Variants in TAFA2 observed in about 807,000 individuals in gnomAD.
The protein encoded by TAFA2 is TAFA chemokine like family member 2.
Under a neutral mutation model 18.8 loss-of-function variants are expected in TAFA2, and 7 were observed. The observed-to-expected ratio is 0.37, with a 90% confidence interval of 0.21 to 0.70. The LOEUF is 0.70. Among genes scored for constraint, TAFA2 ranks in the 30% least tolerant of loss-of-function variants. The pLI is 0.53. For synonymous variants in TAFA2, 60 were observed against 54.2 expected (o/e 1.11, Z -0.47); for missense variants, 122 against 158.1 (o/e 0.77, Z 1.23).
intron 1 of TAFA2, among the ~76,000 whole-genome samples, chr12:62,240,512 C>T (rs1565786547): frequency 6.6e-6 from 1 of 151,788 alleles, no homozygotes; most frequent in East Asian, 1.9e-4. Flanking sequence ...CTCACATATG[C>T]TTTTAAATTA....
At chr12:62,255,204 G>T (rs1304481201) in intron 1 of TAFA2, 2 of 152,156 alleles carry the variant, frequency 1.3e-5, no homozygotes, top group African/African-American at 4.8e-5. Context: ...TATTTGAAAT[G>T]ATTTTTAGCT....
At chr12:61,786,212 A>G (rs1023031818) in intron 2 of TAFA2, among the ~76,000 whole-genome samples, 1 of 151,608 alleles carries the variant, frequency 6.6e-6, no homozygotes, top group African/African-American at 2.4e-5. Flanking sequence ...ATGCATAAGG[A>G]CTTGTACTGT....
chr12:61,876,723 T>C (rs1285591431), intron 1 of TAFA2, among the ~76,000 whole-genome samples: 2 of 150,882 alleles, frequency 1.3e-5, no homozygotes, highest in Non-Finnish European at 3.0e-5. Flanking sequence ...AAAAAGATAG[T>C]AGTTATGTGT....
At chr12:61,931,581 A>G (rs1412830484) in intron 1 of TAFA2, among the ~76,000 whole-genome samples, 1 of 152,190 alleles carries the variant, frequency 6.6e-6, no homozygotes, top group Non-Finnish European at 1.5e-5. Flanking sequence ...TATATAATAC[A>G]AAAAATCCTG....
At chr12:61,821,047 G>C (rs1218234141) in intron 2 of TAFA2, among the ~76,000 whole-genome samples, 2 of 150,658 alleles carry the variant, frequency 1.3e-5, no homozygotes, top group Admixed American at 1.3e-4. Context: ...CACACATTAG[G>C]CATTCATTCA....
chr12:62,162,865 T>C (rs1592375448), intron 1 of TAFA2, among the ~76,000 whole-genome samples: 1 of 152,042 alleles, frequency 6.6e-6, no homozygotes, highest in Non-Finnish European at 1.5e-5. Context: ...AAAAAAGTGG[T>C]CAGCTTCTGC....
At chr12:61,997,710 A>G (rs1040347458) in intron 1 of TAFA2, among the ~76,000 whole-genome samples, 11 of 152,156 alleles carry the variant, frequency 7.2e-5, no homozygotes, top group African/African-American at 2.7e-4. Flanking sequence ...GACAGCAGAG[A>G]AAGATGAAGG....
chr12:62,208,187 G>C (rs954565466), intron 1 of TAFA2, among the ~76,000 whole-genome samples: 2 of 152,156 alleles, frequency 1.3e-5, no homozygotes, highest in Non-Finnish European at 2.9e-5. Flanking sequence ...TAGGAGGCTA[G>C]CTTATGTGAC....
intron 1 of TAFA2, among the ~76,000 whole-genome samples, chr12:62,246,455 A>G (rs984791049): frequency 6.6e-6 from 1 of 152,230 alleles, no homozygotes; most frequent in African/African-American, 2.4e-5. Context: ...ATATTTCATC[A>G]TTATTTGAAA....
At chr12:61,932,674 T>G (rs966637223) in intron 1 of TAFA2, among the ~76,000 whole-genome samples, 3 of 152,122 alleles carry the variant, frequency 2.0e-5, no homozygotes, top group Non-Finnish European at 4.4e-5. Context: ...ACTCTTGACC[T>G]CGTGATCTGT....
chr12:62,151,215 C>A (rs1299671971), intron 1 of TAFA2, among the ~76,000 whole-genome samples: 1 of 152,122 alleles, frequency 6.6e-6, no homozygotes, highest in African/African-American at 2.4e-5. Flanking sequence ...AAACCCAGAT[C>A]CGAGGTCACC....
At chr12:62,034,976 A>G (rs1881559832) in intron 1 of TAFA2, among the ~76,000 whole-genome samples, 1 of 152,230 alleles carries the variant, frequency 6.6e-6, no homozygotes, top group African/African-American at 2.4e-5. Flanking sequence ...GTGACATTAT[A>G]TTGTTGTATC....
chr12:62,011,157 T>C (rs1880750300), intron 1 of TAFA2, among the ~76,000 whole-genome samples: 1 of 151,222 alleles, frequency 6.6e-6, no homozygotes, highest in South Asian at 2.1e-4. Context: ...GTCTGGGAAA[T>C]GAGGAGTGCC....
At chr12:61,860,704 G>A (rs982928208) in intron 2 of TAFA2, among the ~76,000 whole-genome samples, 3 of 152,072 alleles carry the variant, frequency 2.0e-5, no homozygotes, top group African/African-American at 7.2e-5. Flanking sequence ...TGCTGCTCTT[G>A]CCTGGATGTC....
chr12:61,802,973 T>C (rs1592399009), intron 2 of TAFA2, among the ~76,000 whole-genome samples: 1 of 151,916 alleles, frequency 6.6e-6, no homozygotes. Flanking sequence ...CATGGGTGCA[T>C]TGTTCAATAC....
At chr12:62,135,472 T>C (rs977952482) in intron 1 of TAFA2, among the ~76,000 whole-genome samples, 3 of 152,064 alleles carry the variant, frequency 2.0e-5, no homozygotes, top group Non-Finnish European at 4.4e-5. Flanking sequence ...AAAAATCTCT[T>C]CATCACAAGG....
At chr12:62,166,906 A>G (rs1043782695) in intron 1 of TAFA2, among the ~76,000 whole-genome samples, 5 of 152,210 alleles carry the variant, frequency 3.3e-5, no homozygotes, top group Non-Finnish European at 2.9e-5. Context: ...TATTCAAATC[A>G]TTTCAGCTAT....
At chr12:61,954,296 C>T (rs1038094255) in intron 1 of TAFA2, among the ~76,000 whole-genome samples, 2 of 152,150 alleles carry the variant, frequency 1.3e-5, no homozygotes, top group African/African-American at 4.8e-5. Flanking sequence ...CTTAAGGCAA[C>T]TACAGAGCTA....
chr12:61,762,633 T>TA (rs1555162980), intron 2 of TAFA2, among the ~76,000 whole-genome samples: 7,601 of 147,542 alleles, frequency 0.052, 623 homozygotes, highest in African/African-American at 0.17. Context: ...ATTTCATTTT[T>TA]TATATATATA....
Sources: gnomAD v4.1 joint callset for allele counts (sites outside exome capture counted in the v4.1 genomes callset) on GRCh38, gnomAD v4.1.1 for gene constraint, MANE v1.5 for transcripts, NCBI Gene and HGNC (gene_info 2026-07-23, HGNC 2026-07-21) for gene names.